Variants in SRGAP1 observed in about 807,000 individuals in gnomAD.
SRGAP1 encodes the protein SLIT-ROBO Rho GTPase activating protein 1.
A neutral mutation model predicts 121.9 loss-of-function variants in SRGAP1; 43 were observed. That is an observed-to-expected ratio of 0.35 (90% CI 0.28 to 0.46). The LOEUF is 0.46. Ranked by LOEUF, SRGAP1 falls within the 20% of genes least tolerant of loss-of-function variation. The pLI, the probability that SRGAP1 is intolerant of heterozygous loss-of-function variation, is 1.00. For synonymous variants in SRGAP1, 447 were observed against 485.4 expected (o/e 0.92, Z 1.04); for missense variants, 1,102 against 1,350.9 (o/e 0.82, Z 2.89).
At chr12:63,911,456 T>C (rs1293178889) in intron 1 of SRGAP1, among the ~76,000 whole-genome samples, 1 of 152,134 alleles carries the variant, frequency 6.6e-6, no homozygotes, top group Non-Finnish European at 1.5e-5. Context: ...CACCCATCCA[T>C]GTAGTTGTGG....
At chr12:64,066,104 A>G (rs1249786722) in intron 8 of SRGAP1, among the ~76,000 whole-genome samples, 1 of 152,244 alleles carries the variant, frequency 6.6e-6, no homozygotes, top group Non-Finnish European at 1.5e-5. Context: ...ACTATTGGTC[A>G]GTGTTTGCAG....
At position 64,069,000 on chromosome 12, in the gene SRGAP1, ACT is replaced by A. The variant is rs1398561152; in HGVS notation, c.1125+3784_1125+3785del. ...ACTCCAGCCTGGGCAACAGTGCAAG[ACT>A]CTGTCTCAAAAAAAAAAAAATGTGT... On this transcript the variant is annotated intron_variant, in intron 8 of 21. Transcript: ENST00000355086. Among the ~76,000 whole-genome samples, 17 of 82,514 alleles carry A rather than the reference ACT, an allele frequency of 2.1e-4. No individual in the cohort carries two copies. In the East Asian group the frequency reaches 4.1e-3, roughly 20 times the overall value. 54.1% of individuals were successfully genotyped at this position (82,514 alleles called of 152,430 possible).
chr12:64,043,483 A>G lies in SRGAP1; in HGVS notation c.709A>G (p.Ile237Val), dbSNP rs150469928. ...ATATTCAGAAAATAAGCTAAAATCA[A>G]TTAAGGCACGGAACGAATATCTCCT... The part of the protein sequence containing the change: ...AKYSENKLKS[I>V]KARNEYLLTL... The change falls in exon 6 of 22, where the codon ATT becomes GTT. Residue 237 changes from isoleucine (I) to valine (V), a missense_variant. By Grantham distance (29) the Ile-to-Val change is conservative. Transcript: ENST00000355086. 41 of 1,612,820 alleles carry G rather than the reference A, an allele frequency of 2.5e-5. No homozygotes were observed. The highest frequency in any genetic ancestry group is 3.4e-5 in the Non-Finnish European group (40 of 1,179,464).
rs559838465 is a variant in SRGAP1 at position 64,082,967 on chromosome 12, A to G, written c.1408+2597A>G. On this transcript the variant is annotated intron_variant, in intron 10 of 21. Coordinates refer to ENST00000355086, the MANE Select transcript of SRGAP1 (RefSeq NM_020762.4). ...CTTTTGCAGGCTGGGTGGCACACCA[A>G]TTGCTGGTCACTGCCTGGATATGAC... Among the ~76,000 whole-genome samples the G allele has an allele frequency of 3.9e-5, 6 of 152,332 alleles. No individual in the cohort carries two copies. The East Asian group carries it at 1.2e-3, about 29-fold the overall frequency.
At chr12:63,987,990 A>C (rs913510282) in intron 2 of SRGAP1, among the ~76,000 whole-genome samples, 1 of 152,220 alleles carries the variant, frequency 6.6e-6, no homozygotes, top group Non-Finnish European at 1.5e-5. Flanking sequence ...AGTTAAGATC[A>C]TTTGCCCAAG....
chr12:64,000,963 A>G (rs1478703065), intron 3 of SRGAP1, among the ~76,000 whole-genome samples: 2 of 152,222 alleles, frequency 1.3e-5, no homozygotes, highest in Non-Finnish European at 1.5e-5. Flanking sequence ...TAAAAATAAA[A>G]GAAATATGAT....
At position 64,117,594 on chromosome 12, in the gene SRGAP1, A is replaced by T. The variant is rs2036543063; in HGVS notation, c.2224+1701A>T. Among the ~76,000 whole-genome samples the T allele has an allele frequency of 2.6e-5, 4 of 152,262 alleles. No individual in the cohort carries two copies. The South Asian group carries it at 8.3e-4, about 32-fold the overall frequency. On this transcript the variant is annotated intron_variant, in intron 18 of 21. Transcript: ENST00000355086. Reference sequence around the variant, plus strand: ...AATCCTTCTGTGTCTTGAGGTAATAAATAATTCTCCTATATTCTCTTATTT... The same window carrying T: ...AATCCTTCTGTGTCTTGAGGTAATATATAATTCTCCTATATTCTCTTATTT...
chr12:64,012,499 T>C (rs2034279053), intron 3 of SRGAP1, among the ~76,000 whole-genome samples: 1 of 151,646 alleles, frequency 6.6e-6, no homozygotes, highest in African/African-American at 2.4e-5. Flanking sequence ...GCAATTCTTG[T>C]TCAAGGGCCA....
chr12:64,147,253 C>A lies in SRGAP1; in HGVS notation c.*4581C>A, dbSNP rs2037067761. On this transcript the variant is annotated 3_prime_UTR_variant, in exon 22 of 22. Coordinates refer to ENST00000355086, the MANE Select transcript of SRGAP1 (RefSeq NM_020762.4). ...GGTAGCTTCCTGCTTGTGACTGTTA[C>A]CTAATTGTGTCAATGTACATCTGTA... 5.3e-6 allele frequency: 2 copies of A among 377,506 alleles called. No homozygotes were observed. The highest frequency in any genetic ancestry group is 7.6e-5 in the East Asian group (2 of 26,390). 23.4% of individuals were successfully genotyped at this position (377,506 alleles called of 1,614,324 possible). A position where few individuals can be genotyped will look rare whatever the true frequency, so the allele number is the denominator to read the frequency against.
At chr12:63,915,929 C>A (rs1464065735) in intron 1 of SRGAP1, among the ~76,000 whole-genome samples, 1 of 151,796 alleles carries the variant, frequency 6.6e-6, no homozygotes, top group Non-Finnish European at 1.5e-5. Flanking sequence ...AAGCCTTGGT[C>A]ATAGGTGGTA....
chr12:64,137,186 C>T (rs1299041406), intron 21 of SRGAP1, among the ~76,000 whole-genome samples: 1 of 151,906 alleles, frequency 6.6e-6, no homozygotes, highest in Non-Finnish European at 1.5e-5. Flanking sequence ...ATCACTTGAA[C>T]CCAGGAGGCG....
intron 4 of SRGAP1, among the ~76,000 whole-genome samples, chr12:64,031,247 G>A (rs2034772593): frequency 6.7e-6 from 1 of 148,520 alleles, no homozygotes; most frequent in African/African-American, 2.5e-5. Context: ...GAGCCTGGGA[G>A]GAGGAGGTTG....
chr12:63,903,721 G>A (rs1313429175), intron 1 of SRGAP1, among the ~76,000 whole-genome samples: 1 of 151,830 alleles, frequency 6.6e-6, no homozygotes, highest in African/African-American at 2.4e-5. Context: ...TGCAGCCTCC[G>A]CCTCTCAGGT....
intron 1 of SRGAP1, among the ~76,000 whole-genome samples, chr12:63,855,176 A>G (rs945040387): frequency 2.6e-5 from 4 of 152,214 alleles, no homozygotes; most frequent in Non-Finnish European, 5.9e-5. Context: ...TTACCTAGAT[A>G]AATGAACTTG....
chr12:64,056,744 G>A (rs1420545523), intron 6 of SRGAP1, among the ~76,000 whole-genome samples: 2 of 152,014 alleles, frequency 1.3e-5, no homozygotes, highest in Admixed American at 6.6e-5. Context: ...CCATACATCA[G>A]GTACATTAGC....
At chr12:64,135,739 A>G (rs1412458344) in intron 21 of SRGAP1, among the ~76,000 whole-genome samples, 1 of 152,210 alleles carries the variant, frequency 6.6e-6, no homozygotes, top group African/African-American at 2.4e-5. Context: ...AAATCAATGA[A>G]AGAACTCCAT....
At chr12:63,985,588 A>T (rs998551538) in intron 2 of SRGAP1, among the ~76,000 whole-genome samples, 3 of 152,234 alleles carry the variant, frequency 2.0e-5, no homozygotes, top group Non-Finnish European at 4.4e-5. Context: ...GCTGGTTAAC[A>T]TATAATGGAC....
At chr12:64,065,044 TTAAA>T in intron 7 of SRGAP1, 70 bp from the exon 8 acceptor site, 1 of 1,080,640 alleles carries the variant, frequency 9.3e-7, no homozygotes, top group Non-Finnish European at 1.4e-6. Context: ...CATGCATCAT[TTAAA>T]TAACAGAGCC....
At chr12:64,051,276 C>CT (rs1243163904) in intron 6 of SRGAP1, among the ~76,000 whole-genome samples, 2 of 152,120 alleles carry the variant, frequency 1.3e-5, no homozygotes, top group African/African-American at 4.8e-5. Context: ...AACGGTGATG[C>CT]TAAAATTGCT....
Sources: allele counts gnomAD v4.1 joint callset (sites outside exome capture counted in the v4.1 genomes callset), GRCh38; gene constraint gnomAD v4.1.1; transcripts MANE v1.5; gene names NCBI Gene and HGNC (gene_info 2026-07-23, HGNC 2026-07-21).